The following KCNH5 variants were observed in gnomAD, a reference collection of about 807,000 sequenced individuals.
KCNH5 encodes potassium voltage-gated channel subfamily H member 5, also known as voltage-gated delayed rectifier potassium channel KCNH5.
Under a neutral mutation model 96.1 loss-of-function variants are expected in KCNH5, and 46 were observed. That is an observed-to-expected ratio of 0.48 (90% CI 0.38 to 0.61). The LOEUF is 0.61. KCNH5 is among the 20% of genes least tolerant of loss of function. KCNH5 has a pLI of 0.00. For missense variants in KCNH5, 907 were observed against 1,225.8 expected (o/e 0.74, Z 3.88); for synonymous variants, 439 against 449.8 (o/e 0.98, Z 0.30).
chr14:62,853,751 T>A (rs966136975), intron 7 of KCNH5, among the ~76,000 whole-genome samples: 1 of 151,806 alleles, frequency 6.6e-6, no homozygotes, highest in African/African-American at 2.4e-5. Flanking sequence ...GGCTCATGCC[T>A]GTAATCTCAG....
At chr14:62,876,388 C>T (rs1207158506) in intron 7 of KCNH5, among the ~76,000 whole-genome samples, 1 of 152,104 alleles carries the variant, frequency 6.6e-6, no homozygotes, top group Admixed American at 6.6e-5. Context: ...AAATAAGACA[C>T]ACCAATTAGA....
intron 5 of KCNH5, among the ~76,000 whole-genome samples, chr14:62,983,291 T>C (rs1052557448): frequency 2.1e-4 from 32 of 151,892 alleles, no homozygotes; most frequent in Middle Eastern, 6.8e-3. Context: ...GGAGAATCAC[T>C]TGAACCTGGG....
rs148844327 is a variant in KCNH5, at chr14:62,961,156, C to T, written c.943-10597G>A. On this transcript the variant is annotated intron_variant, in intron 6 of 10. Transcript: ENST00000322893. ...AACCAAATTGGGGATGCTTTAAATCCTTCTTCAATAATTTCTTGCTGCCTT... is the reference window on the plus strand; with the variant it reads ...AACCAAATTGGGGATGCTTTAAATCTTTCTTCAATAATTTCTTGCTGCCTT... 6.6e-5 allele frequency among the ~76,000 whole-genome samples: 10 copies of T among 152,108 alleles called. No individual in the cohort carries two copies. The East Asian group carries it at 1.7e-3, about 26-fold the overall frequency.
intron 1 of KCNH5, among the ~76,000 whole-genome samples, chr14:63,044,569 G>C (rs1891886314): frequency 6.6e-6 from 1 of 152,164 alleles, no homozygotes; most frequent in African/African-American, 2.4e-5. Context: ...CATTTTGCAA[G>C]CACTGAACTC....
intron 4 of KCNH5, among the ~76,000 whole-genome samples, chr14:62,989,013 T>C (rs72728802): frequency 0.11 from 16,541 of 151,780 alleles, 1,136 homozygotes; most frequent in East Asian, 0.35. Context: ...CTTTTCACTA[T>C]TACCTACACA....
chr14:62,713,405 C>T (rs1460872989), intron 10 of KCNH5, among the ~76,000 whole-genome samples: 1 of 152,198 alleles, frequency 6.6e-6, no homozygotes, highest in Non-Finnish European at 1.5e-5. Context: ...TGGGTAGACT[C>T]AGGTTCAAAT....
intron 10 of KCNH5, among the ~76,000 whole-genome samples, chr14:62,774,850 T>G (rs1430383124): frequency 2.0e-5 from 3 of 152,238 alleles, no homozygotes; most frequent in Non-Finnish European, 1.5e-5. Flanking sequence ...CAATTCAGTT[T>G]AGCTTCTGAC....
chr14:62,796,090 C>G (rs1886535307), intron 9 of KCNH5, among the ~76,000 whole-genome samples: 1 of 152,040 alleles, frequency 6.6e-6, no homozygotes, highest in Non-Finnish European at 1.5e-5. Flanking sequence ...CCAAATGGCC[C>G]CATAAGCCAT....
At position 63,045,166 on chromosome 14, in the gene KCNH5, C is replaced by G; in HGVS notation, c.21G>C (p.Gly7=). The change falls in exon 1 of 11, where the codon GGG becomes GGC. Residue 7 remains glycine, a synonymous_variant. Transcript: ENST00000322893. The part of the protein sequence containing the change: MPGGKR[G]LVAPQNTFLE... The stretch of plus-strand genomic sequence containing the variant: ...AAAATGTGTTCTGCGGTGCCACCAG[C>G]CCTCTCTTGCCCCCCGGCATCCTGG... 6.2e-7 allele frequency: 1 copy of G among 1,613,750 alleles called. No homozygotes were observed. The highest frequency in any genetic ancestry group is 8.5e-7 in the Non-Finnish European group (1 of 1,180,004).
intron 1 of KCNH5, among the ~76,000 whole-genome samples, chr14:63,031,285 C>T (rs1891621195): frequency 6.6e-6 from 1 of 151,942 alleles, no homozygotes; most frequent in Admixed American, 6.6e-5. Context: ...TTTATTCAGA[C>T]AACAGGAAAA....
At chr14:62,813,487 C>T (rs895545179) in intron 8 of KCNH5, among the ~76,000 whole-genome samples, 7 of 152,112 alleles carry the variant, frequency 4.6e-5, no homozygotes, top group Admixed American at 1.3e-4. Flanking sequence ...TTTTACTGCT[C>T]TAAGTTATTG....
chr14:63,027,096 A>T (rs1260829465), intron 1 of KCNH5, among the ~76,000 whole-genome samples: 2 of 152,044 alleles, frequency 1.3e-5, no homozygotes, highest in African/African-American at 4.8e-5. Context: ...AATAAGTCAG[A>T]CATAGAAAAA....
intron 4 of KCNH5, among the ~76,000 whole-genome samples, chr14:62,994,684 T>A (rs944906415): frequency 1.3e-5 from 2 of 152,072 alleles, no homozygotes; most frequent in African/African-American, 4.8e-5. Flanking sequence ...AGCAAGGGAT[T>A]GAGGTAGTTA....
At chr14:62,963,492 T>C (rs1354795259) in intron 6 of KCNH5, among the ~76,000 whole-genome samples, 2 of 152,112 alleles carry the variant, frequency 1.3e-5, no homozygotes, top group South Asian at 2.1e-4. Flanking sequence ...AAAGCCGATA[T>C]TGCAATTCAA....
At chr14:62,820,710 T>C (rs1472277244) in intron 8 of KCNH5, among the ~76,000 whole-genome samples, 3 of 152,202 alleles carry the variant, frequency 2.0e-5, no homozygotes, top group Admixed American at 6.5e-5. Context: ...ATGGTGCATA[T>C]GTACCACATT....
At chr14:62,786,457 AAATCACTATAGTG>A (rs796506021) in intron 9 of KCNH5, among the ~76,000 whole-genome samples, 53 of 152,240 alleles carry the variant, frequency 3.5e-4, no homozygotes, top group East Asian at 1.6e-3. Context: ...AAAGATAGTA[AAATCACTATAGTG>A]AATCACTATA....
intron 8 of KCNH5, among the ~76,000 whole-genome samples, chr14:62,828,763 C>G (rs1327383060): frequency 6.6e-6 from 1 of 152,104 alleles, no homozygotes; most frequent in Non-Finnish European, 1.5e-5. Flanking sequence ...CCTCCCAAAC[C>G]TCATGTCCTT....
chr14:62,843,567 A>G (rs779621067), intron 8 of KCNH5, among the ~76,000 whole-genome samples: 14 of 151,676 alleles, frequency 9.2e-5, no homozygotes, highest in Non-Finnish European at 1.6e-4. Context: ...GTGCACCACC[A>G]CGCCCAGCTA....
Position 63,001,322 on chromosome 14 carries a change from G to A in KCNH5, c.433+9C>T. On this transcript the variant is annotated intron_variant, in intron 4 of 10. Coordinates refer to ENST00000322893, the MANE Select transcript of KCNH5 (RefSeq NM_139318.5). ...AATTTTTCAGTGTAGTAATTCTTTT[G>A]AAAATTACCTTTTGTTGAATCATCC... 6.3e-7 allele frequency: 1 copy of A among 1,592,620 alleles called. No homozygotes were observed. Among genetic ancestry groups the A allele is most frequent in the African/African-American group, 1.4e-5 (1 of 73,992 alleles).
Sources: gnomAD v4.1 joint callset for allele counts (sites outside exome capture counted in the v4.1 genomes callset) on GRCh38, gnomAD v4.1.1 for gene constraint, MANE v1.5 for transcripts, NCBI Gene and HGNC (gene_info 2026-07-23, HGNC 2026-07-21) for gene names.